Variants in IFT88 observed in about 807,000 individuals in gnomAD.
The protein encoded by IFT88 is intraflagellar transport protein 88 homolog.
A neutral mutation model predicts 119.5 loss-of-function variants in IFT88; 74 were observed. The observed-to-expected ratio is 0.62, with a 90% CI of 0.51 to 0.75. IFT88 has a LOEUF of 0.75. IFT88 is among the 30% of genes least tolerant of loss of function. The pLI is 0.00. For synonymous variants in IFT88, 279 were observed against 316.7 expected (o/e 0.88, Z 1.26); for missense variants, 961 against 977.7 (o/e 0.98, Z 0.23).
At chr13:20,575,544 G>T (rs1401710929) in intron 2 of IFT88, among the ~76,000 whole-genome samples, 1 of 152,142 alleles carries the variant, frequency 6.6e-6, no homozygotes, top group Admixed American at 6.6e-5. Flanking sequence ...GATCATGAGA[G>T]TGGATTTCTC....
At chr13:20,665,318 C>T (rs191534550) in intron 23 of IFT88, among the ~76,000 whole-genome samples, 18 of 152,112 alleles carry the variant, frequency 1.2e-4, no homozygotes, top group Middle Eastern at 3.4e-3. Context: ...GGTACATATA[C>T]CCAAATTTCC....
intron 24 of IFT88, among the ~76,000 whole-genome samples, chr13:20,672,590 G>A (rs1054750747): frequency 1.3e-5 from 2 of 152,168 alleles, no homozygotes; most frequent in Non-Finnish European, 1.5e-5. Flanking sequence ...TAAGCCAGAG[G>A]CAGCCATAAG....
chr13:20,613,948 A>ATGACAGAAAGT (rs1404679755), intron 13 of IFT88, among the ~76,000 whole-genome samples: 1 of 104,594 alleles, frequency 9.6e-6, no homozygotes, highest in Non-Finnish European at 2.0e-5. Context: ...CAAATCTATA[A>ATGACAGAAAGT]AGATTTGCCA....
chr13:20,678,868 AAGAC>A (rs2057002715), intron 24 of IFT88, among the ~76,000 whole-genome samples: 3 of 152,208 alleles, frequency 2.0e-5, no homozygotes, highest in South Asian at 2.1e-4. Context: ...AGACTACACA[AAGAC>A]AGACAACACA....
chr13:20,685,142 G>A lies in IFT88; in HGVS notation c.2243-5563G>A, dbSNP rs146860112. On this transcript the variant is annotated intron_variant, in intron 24 of 25. Transcript: ENST00000351808. ...TTATGGGAAACAAAGCAATTTTAGC[G>A]AGGAGCAGAGAAACAGGCCCTGGCT... 5.9e-5 allele frequency among the ~76,000 whole-genome samples: 9 copies of A among 152,318 alleles called. No individual in the cohort carries two copies. In the East Asian group the frequency reaches 9.7e-4, roughly 16 times the overall value.
At chr13:20,607,926 C>T in intron 13 of IFT88, 1 of 663,938 alleles carries the variant, frequency 1.5e-6, no homozygotes, top group South Asian at 1.4e-5. Flanking sequence ...TCTTCCTCTA[C>T]AAGACCAAGT....
At chr13:20,603,023 A>G (rs1177193516) in intron 12 of IFT88, among the ~76,000 whole-genome samples, 1 of 152,262 alleles carries the variant, frequency 6.6e-6, no homozygotes, top group Non-Finnish European at 1.5e-5. Flanking sequence ...ACACTTATAC[A>G]TGAACATAAA....
intron 24 of IFT88, among the ~76,000 whole-genome samples, chr13:20,673,780 C>A (rs1160115102): frequency 1.3e-5 from 2 of 152,158 alleles, no homozygotes; most frequent in East Asian, 3.9e-4. Context: ...TTTCTTTCTT[C>A]CAGTCCATTT....
intron 23 of IFT88, among the ~76,000 whole-genome samples, chr13:20,665,735 T>C (rs2054570119): frequency 6.6e-6 from 1 of 152,212 alleles, no homozygotes; most frequent in Non-Finnish European, 1.5e-5. Context: ...GCCGTGCATA[T>C]GGAGGACACA....
At chr13:20,644,416 G>A (rs145673135) in intron 19 of IFT88, among the ~76,000 whole-genome samples, 19 of 152,188 alleles carry the variant, frequency 1.2e-4, no homozygotes, top group Non-Finnish European at 2.2e-4. Context: ...CACGAGAATT[G>A]CCTGAACCTG....
rs2042205977 is a variant in IFT88, at chr13:20,599,125, AT to A, written c.698-324del. The stretch of plus-strand genomic sequence containing the variant: ...TTATCAGAATGTCGTTTCCTTTAAT[AT>A]TATTAAAATGTATGTGGCATTCTTG... On this transcript the variant is annotated intron_variant, in intron 10 of 25. Coordinates refer to ENST00000351808, the MANE Select transcript of IFT88 (RefSeq NM_006531.5). 2.0e-5 allele frequency among the ~76,000 whole-genome samples: 3 copies of A among 152,028 alleles called. No individual in the cohort carries two copies. The South Asian group carries it at 6.2e-4, about 31-fold the overall frequency.
At chr13:20,624,873 C>T (rs1377093959) in intron 14 of IFT88, among the ~76,000 whole-genome samples, 2 of 152,094 alleles carry the variant, frequency 1.3e-5, no homozygotes, top group African/African-American at 4.8e-5. Context: ...CTATGCATTA[C>T]CACACATACT....
chr13:20,615,495 G>T (rs531360947), intron 13 of IFT88, among the ~76,000 whole-genome samples: 6 of 152,010 alleles, frequency 3.9e-5, no homozygotes, highest in African/African-American at 1.5e-4. Flanking sequence ...CGTAAGTTCC[G>T]CTGCAGGGCC....
intron 23 of IFT88, among the ~76,000 whole-genome samples, chr13:20,667,500 G>A (rs1190332741): frequency 2.6e-5 from 4 of 152,244 alleles, no homozygotes; most frequent in African/African-American, 9.6e-5. Flanking sequence ...TGTTCCCCGT[G>A]GAGTTGGGGA....
chr13:20,602,206 C>CTTTTTTT (rs11458148), intron 12 of IFT88, among the ~76,000 whole-genome samples: 2 of 118,184 alleles, frequency 1.7e-5, no homozygotes, highest in Non-Finnish European at 3.3e-5. Flanking sequence ...AGCATAATAT[C>CTTTTTTT]TTTTTTTTTT....
chr13:20,568,105 G>A (rs913844427), intron 1 of IFT88: 2 of 671,764 alleles, frequency 3.0e-6, no homozygotes, highest in Admixed American at 2.1e-5. Flanking sequence ...TGCCACGTGC[G>A]GGCCGGGGTT....
At chr13:20,645,326 G>C (rs1440458340) in intron 20 of IFT88, among the ~76,000 whole-genome samples, 1 of 152,140 alleles carries the variant, frequency 6.6e-6, no homozygotes, top group Non-Finnish European at 1.5e-5. Flanking sequence ...CTGACCTCAG[G>C]TGATCCACCT....
chr13:20,600,621 A>G (rs1375561092), intron 11 of IFT88, among the ~76,000 whole-genome samples: 2 of 152,210 alleles, frequency 1.3e-5, no homozygotes, highest in African/African-American at 4.8e-5. Context: ...CAAAGAAACA[A>G]TAAGTTTTGG....
At chr13:20,668,900 A>G (rs892279246) in intron 23 of IFT88, among the ~76,000 whole-genome samples, 1 of 152,190 alleles carries the variant, frequency 6.6e-6, no homozygotes, top group African/African-American at 2.4e-5. Context: ...TGATGAGGAC[A>G]AAAAGTGGTG....
Sources: gnomAD v4.1 joint callset for allele counts (sites outside exome capture counted in the v4.1 genomes callset) on GRCh38, gnomAD v4.1.1 for gene constraint, MANE v1.5 for transcripts, NCBI Gene and HGNC (gene_info 2026-07-23, HGNC 2026-07-21) for gene names.